The following MLIP variants were observed in gnomAD, a reference collection of about 807,000 sequenced individuals.
MLIP encodes muscular LMNA-interacting protein.
In MLIP, 79 loss-of-function variants were observed where a neutral mutation model predicts 84.8. That is an observed-to-expected ratio of 0.93 (90% confidence interval 0.78 to 1.12). The LOEUF is 1.12. MLIP is among the 50% of genes most tolerant of loss of function. The pLI is 0.00. For missense variants in MLIP, 1,257 were observed against 1,160.6 expected (o/e 1.08, Z -1.21); for synonymous variants, 504 against 463.0 (o/e 1.09, Z -1.14).
rs186411111 is a variant in MLIP at position 54,264,794 on chromosome 6, C to T, written c.2977-1156C>T. Among the ~76,000 whole-genome samples, 242 of 152,214 alleles carry T rather than the reference C, an allele frequency of 1.6e-3. 2 individuals are homozygous for T. The highest frequency in any genetic ancestry group is 5.0e-3 in the African/African-American group (209 of 41,542). ...AGAGAATTCCAGATGATGAAAGCTA[C>T]AGCTTACTTCTTACTTTTTGCCTGT... On this transcript the variant is annotated intron_variant, in intron 13 of 13. Transcript: ENST00000502396.
intron 11 of MLIP, among the ~76,000 whole-genome samples, chr6:54,228,273 A>G (rs548859767): frequency 2.8e-4 from 43 of 151,988 alleles, no homozygotes; most frequent in Non-Finnish European, 4.7e-4. Flanking sequence ...TTAAATATCC[A>G]GGATTATGCT....
Position 54,055,163 on chromosome 6 carries a change from G to A in MLIP, c.63+36072G>A, listed in dbSNP as rs192794364. 1.3e-3 allele frequency among the ~76,000 whole-genome samples: 201 copies of A among 152,274 alleles called. 1 individual carries two copies. The highest frequency in any genetic ancestry group is 3.9e-3 in the Admixed American group (59 of 15,302). ...GGCCTCCCAAAGTGTTGGGACTACT[G>A]GCGTGAGCCACCGCACCCGGCCTCA... On this transcript the variant is annotated intron_variant, in intron 1 of 12. Coordinates refer to the MLIP transcript ENST00000274897.
At position 54,169,592 on chromosome 6, in the gene MLIP, T is replaced by C. The variant is rs760381530; in HGVS notation, c.2544+20T>C. 94 of 1,555,246 alleles carry C rather than the reference T, an allele frequency of 6.0e-5. No individual in the cohort carries two copies. Among genetic ancestry groups the C allele is most frequent in the Non-Finnish European group, 8.0e-5 (92 of 1,144,158 alleles). On this transcript the variant is annotated intron_variant, in intron 9 of 13. Coordinates refer to ENST00000502396, the MANE Select transcript of MLIP (RefSeq NM_001281747.2). ...AAATATGTAAGTACCTTTATAATTA[T>C]ACACACTGCTTTTCAAATGGGTGCC...
chr6:54,188,524 G>A (rs1295765884), intron 9 of MLIP, among the ~76,000 whole-genome samples: 1 of 150,932 alleles, frequency 6.6e-6, no homozygotes, highest in African/African-American at 2.4e-5. Flanking sequence ...CATTAGCTTA[G>A]GCCTACACAG....
intron 9 of MLIP, among the ~76,000 whole-genome samples, chr6:54,172,741 C>G (rs1024500099): frequency 6.6e-6 from 1 of 150,482 alleles, no homozygotes; most frequent in African/African-American, 2.4e-5. Flanking sequence ...CAAAGAAAAT[C>G]AACTCAAAAT....
intron 9 of MLIP, among the ~76,000 whole-genome samples, chr6:54,185,475 T>G (rs1777298462): frequency 6.6e-6 from 1 of 152,184 alleles, no homozygotes; most frequent in Admixed American, 6.5e-5. Flanking sequence ...TTTGGGGGAT[T>G]TATAGAGATT....
chr6:54,060,230 A>G (rs1477325334), intron 1 of MLIP, among the ~76,000 whole-genome samples: 2 of 152,224 alleles, frequency 1.3e-5, no homozygotes, highest in East Asian at 1.9e-4. Context: ...AGATGACAAT[A>G]TTATATGATG....
At chr6:54,257,723 G>C (rs1183343495) in intron 13 of MLIP, among the ~76,000 whole-genome samples, 1 of 151,872 alleles carries the variant, frequency 6.6e-6, no homozygotes, top group East Asian at 1.9e-4. Flanking sequence ...GTGTTTTCAG[G>C]GTCAGAGTCA....
intron 9 of MLIP, among the ~76,000 whole-genome samples, chr6:54,174,887 G>A (rs1776128984): frequency 6.6e-6 from 1 of 151,878 alleles, no homozygotes; most frequent in Admixed American, 6.6e-5. Flanking sequence ...TGAGGTCTTA[G>A]GTTTAAGTAT....
chr6:54,126,748 C>T (rs182300959), intron 3 of MLIP, among the ~76,000 whole-genome samples: 43 of 152,170 alleles, frequency 2.8e-4, no homozygotes, highest in Non-Finnish European at 4.6e-4. Flanking sequence ...AAAAATTACA[C>T]GATTGGGCTG....
intron 11 of MLIP, among the ~76,000 whole-genome samples, chr6:54,221,946 G>A (rs892846392): frequency 2.6e-5 from 4 of 151,940 alleles, no homozygotes; most frequent in African/African-American, 9.7e-5. Flanking sequence ...AACAAAGTTA[G>A]AAAACAAAAA....
intron 12 of MLIP, among the ~76,000 whole-genome samples, chr6:54,249,422 G>C (rs889877391): frequency 6.6e-6 from 1 of 151,640 alleles, no homozygotes; most frequent in Non-Finnish European, 1.5e-5. Flanking sequence ...ATATATTTTT[G>C]ATATTTGGCC....
chr6:54,092,036 G>T (rs565575332), intron 1 of MLIP, among the ~76,000 whole-genome samples: 1 of 152,236 alleles, frequency 6.6e-6, no homozygotes, highest in South Asian at 2.1e-4. Flanking sequence ...GTCAACCTGG[G>T]TAGTTTTTAC....
rs1771911896 is a variant in MLIP, at chr6:54,137,442, C to G, written c.1373C>G (p.Thr458Ser). Residue 458 changes from threonine (T) to serine (S), a missense_variant, in exon 4 of 14, where the codon ACC becomes AGC. By Grantham distance (58) the Thr-to-Ser change is moderately conservative. Transcript: ENST00000502396. ...TLTLDQKEKQ[T>S]PPTPKKSLSS... Reference sequence around the variant, plus strand: ...ACACTTGACCAAAAAGAAAAGCAGACCCCACCCACGCCTAAAAAATCTCTC... The same window carrying G: ...ACACTTGACCAAAAAGAAAAGCAGAGCCCACCCACGCCTAAAAAATCTCTC... 6.5e-7 allele frequency: 1 copy of G among 1,535,944 alleles called. No homozygotes were observed. Among genetic ancestry groups the G allele is most frequent in the Non-Finnish European group, 8.7e-7 (1 of 1,146,874 alleles).
At chr6:54,251,224 A>G (rs1782455793) in intron 12 of MLIP, among the ~76,000 whole-genome samples, 1 of 151,726 alleles carries the variant, frequency 6.6e-6, no homozygotes, top group African/African-American at 2.4e-5. Context: ...GATATTGGCA[A>G]TGACTTTACT....
At position 54,215,129 on chromosome 6, in the gene MLIP, T is replaced by C. The variant is rs535761193; in HGVS notation, c.2718+12896T>C. The C allele has an allele frequency of 4.8e-5, 73 of 1,533,284 alleles. No homozygotes were observed. The South Asian group carries it at 8.2e-4, about 17-fold the overall frequency. The allele number at this position is 1,533,284 out of a possible 1,614,324, so 95.0% of individuals were successfully genotyped here. ...TACTTCCTCACTAAAAGCTGTCCAC[T>C]TTACACTCAGGCTGCACATTCTGTG... On this transcript the variant is annotated intron_variant, in intron 11 of 13. Coordinates refer to ENST00000502396, the MANE Select transcript of MLIP (RefSeq NM_001281747.2).
At chr6:54,036,239 CT>C (rs1219633966) in intron 1 of MLIP, among the ~76,000 whole-genome samples, 3 of 57,284 alleles carry the variant, frequency 5.2e-5, no homozygotes, top group Admixed American at 3.0e-4. Context: ...TTAGTCACCA[CT>C]GTTTTTTTTT....
Position 54,137,315 on chromosome 6 carries a change from CTTCTCACTGCCA to C in MLIP, c.1253_1264del (p.Thr418_Leu421del). 1 of 1,536,056 alleles carries C rather than the reference CTTCTCACTGCCA, an allele frequency of 6.5e-7. No homozygotes were observed. The highest frequency in any genetic ancestry group is 8.7e-7 in the Non-Finnish European group (1 of 1,146,902). ...ATCCCCGGTGCCTTCCCGGCTTGCC[CTTCTCACTGCCA>C]TTCTCAAGTCAAACCCTTCCCACCA... On this transcript the variant is annotated inframe_deletion, in exon 4 of 14. Coordinates refer to ENST00000502396, the MANE Select transcript of MLIP (RefSeq NM_001281747.2).
chr6:54,247,505 G>A (rs570863299), intron 12 of MLIP, among the ~76,000 whole-genome samples: 1 of 152,228 alleles, frequency 6.6e-6, no homozygotes, highest in East Asian at 1.9e-4. Flanking sequence ...ACCATGTAGG[G>A]CAAGAAGCGG....
Sources: gnomAD v4.1 joint callset for allele counts (sites outside exome capture counted in the v4.1 genomes callset) on GRCh38, gnomAD v4.1.1 for gene constraint, MANE v1.5 for transcripts, NCBI Gene and HGNC (gene_info 2026-07-23, HGNC 2026-07-21) for gene names.